The following CNTN4 variants were observed in gnomAD, a reference collection of about 807,000 sequenced individuals.
The protein encoded by CNTN4 is contactin 4.
Under a neutral mutation model 122.5 loss-of-function variants are expected in CNTN4, and 77 were observed. The ratio of observed to expected loss-of-function variants is 0.63; its 90% CI spans 0.52 to 0.76. CNTN4 has a LOEUF of 0.76. Among genes scored for constraint, CNTN4 ranks in the 30% least tolerant of loss-of-function variants. The probability of loss-of-function intolerance (pLI) is 0.00; values close to 1 mark genes in which losing one functional copy is unlikely to be tolerated. For synonymous variants in CNTN4, 512 were observed against 447.0 expected (o/e 1.15, Z -1.83); for missense variants, 1,256 against 1,259.1 (o/e 1.00, Z 0.04).
intron 8 of CNTN4, among the ~76,000 whole-genome samples, chr3:2,875,659 A>G (rs971046411): frequency 6.6e-6 from 1 of 152,198 alleles, no homozygotes; most frequent in Non-Finnish European, 1.5e-5. Context: ...TTTTACAGAA[A>G]AAACTTTGTT....
At chr3:2,680,574 C>T (rs965852774) in intron 4 of CNTN4, among the ~76,000 whole-genome samples, 1 of 152,052 alleles carries the variant, frequency 6.6e-6, no homozygotes, top group African/African-American at 2.4e-5. Flanking sequence ...TCTTTATATT[C>T]AAAATTGTTT....
intron 4 of CNTN4, among the ~76,000 whole-genome samples, chr3:2,628,222 G>T: frequency 6.6e-6 from 1 of 152,186 alleles, no homozygotes; most frequent in Non-Finnish European, 1.5e-5. Flanking sequence ...TTTAGCAGAA[G>T]TTATTTTTTC....
At chr3:2,377,273 C>G (rs1054806635) in intron 3 of CNTN4, among the ~76,000 whole-genome samples, 1 of 152,136 alleles carries the variant, frequency 6.6e-6, no homozygotes. Context: ...GCTCCTCTCC[C>G]TAATAGGAAG....
chr3:2,441,052 A>G (rs1263348907), intron 3 of CNTN4, among the ~76,000 whole-genome samples: 1 of 151,742 alleles, frequency 6.6e-6, no homozygotes, highest in East Asian at 1.9e-4. Flanking sequence ...TATTTGATTA[A>G]TGGTTAATTC....
chr3:2,423,791 C>T (rs2047702619), intron 3 of CNTN4, among the ~76,000 whole-genome samples: 1 of 151,864 alleles, frequency 6.6e-6, no homozygotes, highest in Non-Finnish European at 1.5e-5. Flanking sequence ...GGTAGTTTTA[C>T]CATACATAAA....
chr3:2,757,282 G>A (rs891055176), intron 6 of CNTN4, among the ~76,000 whole-genome samples: 14 of 152,098 alleles, frequency 9.2e-5, no homozygotes, highest in African/African-American at 3.4e-4. Flanking sequence ...ACTTGGAACA[G>A]ACCTCTGCAG....
intron 4 of CNTN4, among the ~76,000 whole-genome samples, chr3:2,585,977 A>G: frequency 6.6e-6 from 1 of 152,108 alleles, no homozygotes; most frequent in East Asian, 1.9e-4. Context: ...CAATGAAGAT[A>G]ATAAATGCTT....
intron 13 of CNTN4, among the ~76,000 whole-genome samples, chr3:2,967,280 C>A (rs1048965484): frequency 6.6e-6 from 1 of 152,022 alleles, no homozygotes; most frequent in African/African-American, 2.4e-5. Context: ...TCTGGGTGGA[C>A]CCAGCTGATC....
chr3:2,317,606 C>T (rs13064858), intron 2 of CNTN4, among the ~76,000 whole-genome samples: 11,602 of 152,162 alleles, frequency 0.076, 509 homozygotes, highest in Middle Eastern at 0.085. Context: ...CCTACCATTC[C>T]GTTCTAATGG....
intron 13 of CNTN4, among the ~76,000 whole-genome samples, chr3:2,986,064 G>T (rs1686231589): frequency 1.3e-5 from 2 of 151,940 alleles, no homozygotes; most frequent in Admixed American, 1.3e-4. Flanking sequence ...ATAGGCTCAA[G>T]CCAGCACACC....
At chr3:2,903,409 C>G (rs1285679703) in intron 12 of CNTN4, among the ~76,000 whole-genome samples, 3 of 152,188 alleles carry the variant, frequency 2.0e-5, no homozygotes, top group African/African-American at 7.2e-5. Flanking sequence ...TCTTCCACAT[C>G]TGAATTTTTC....
intron 3 of CNTN4, among the ~76,000 whole-genome samples, chr3:2,526,090 C>A (rs897907553): frequency 1.3e-5 from 2 of 152,084 alleles, no homozygotes; most frequent in African/African-American, 4.8e-5. Context: ...TAGTGAGTTT[C>A]TATTTATAAT....
chr3:2,409,128 A>C (rs1238035401), intron 3 of CNTN4, among the ~76,000 whole-genome samples: 1 of 151,968 alleles, frequency 6.6e-6, no homozygotes, highest in Non-Finnish European at 1.5e-5. Flanking sequence ...CTTTGGAATC[A>C]TCTTCTAAAA....
At chr3:2,438,896 C>T (rs565063200) in intron 3 of CNTN4, among the ~76,000 whole-genome samples, 6 of 152,172 alleles carry the variant, frequency 3.9e-5, no homozygotes, top group East Asian at 1.9e-4. Context: ...TTCACAGAGA[C>T]GATAAAGATA....
intron 13 of CNTN4, among the ~76,000 whole-genome samples, chr3:2,937,653 A>T (rs2094578512): frequency 6.6e-6 from 1 of 152,194 alleles, no homozygotes; most frequent in Non-Finnish European, 1.5e-5. Flanking sequence ...GTGACCATGT[A>T]TACACACATC....
At chr3:2,212,641 AT>A in intron 2 of CNTN4, among the ~76,000 whole-genome samples, 1 of 152,366 alleles carries the variant, frequency 6.6e-6, no homozygotes, top group Middle Eastern at 3.4e-3. Flanking sequence ...TCAAGGTGAG[AT>A]TTGGATAGGG....
At chr3:2,688,581 C>T (rs993468193) in intron 4 of CNTN4, among the ~76,000 whole-genome samples, 4 of 152,160 alleles carry the variant, frequency 2.6e-5, no homozygotes, top group East Asian at 1.9e-4. Context: ...GGACAAGGCC[C>T]GTAACTTGAG....
At chr3:2,677,145 A>AT (rs2084895955) in intron 4 of CNTN4, among the ~76,000 whole-genome samples, 1 of 150,526 alleles carries the variant, frequency 6.6e-6, no homozygotes, top group African/African-American at 2.4e-5. Context: ...AGATAGATAG[A>AT]TAGATAGATA....
intron 4 of CNTN4, among the ~76,000 whole-genome samples, chr3:2,685,253 G>T (rs1208022958): frequency 6.6e-6 from 1 of 152,154 alleles, no homozygotes; most frequent in Non-Finnish European, 1.5e-5. Context: ...TTGAAGAGAA[G>T]TAACTTTGGC....
Sources: allele counts gnomAD v4.1 joint callset (sites outside exome capture counted in the v4.1 genomes callset), GRCh38; gene constraint gnomAD v4.1.1; transcripts MANE v1.5; gene names NCBI Gene and HGNC (gene_info 2026-07-23, HGNC 2026-07-21).